Variants in CHCHD6 observed in about 807,000 individuals in gnomAD.
The protein encoded by CHCHD6 is MICOS complex subunit MIC25.
Under a neutral mutation model 32.3 loss-of-function variants are expected in CHCHD6, and 28 were observed. That is an observed-to-expected ratio of 0.87 (90% CI 0.64 to 1.19). CHCHD6 has a LOEUF of 1.19. CHCHD6 is among the 50% of genes most tolerant of loss of function. CHCHD6 has a pLI of 0.00. For missense variants in CHCHD6, 333 were observed against 307.0 expected (o/e 1.08, Z -0.63); for synonymous variants, 122 against 117.5 (o/e 1.04, Z -0.25).
intron 5 of CHCHD6, among the ~76,000 whole-genome samples, chr3:126,875,615 G>A (rs1289697158): frequency 1.3e-5 from 2 of 152,188 alleles, no homozygotes; most frequent in Non-Finnish European, 2.9e-5. Context: ...GAGGGTTCTT[G>A]ATGGCATCAT....
At chr3:126,848,100 C>T (rs1941354262) in intron 4 of CHCHD6, among the ~76,000 whole-genome samples, 1 of 152,198 alleles carries the variant, frequency 6.6e-6, no homozygotes, top group Non-Finnish European at 1.5e-5. Flanking sequence ...CTGCCTCAGC[C>T]TCTCAAGTAG....
intron 1 of CHCHD6, among the ~76,000 whole-genome samples, chr3:126,707,520 C>T (rs1576319789): frequency 6.6e-6 from 1 of 152,328 alleles, no homozygotes; most frequent in East Asian, 1.9e-4. Context: ...GCATATGTGT[C>T]TGCCTTCCCT....
intron 5 of CHCHD6, among the ~76,000 whole-genome samples, chr3:126,887,277 G>A (rs1464326963): frequency 6.6e-6 from 1 of 152,012 alleles, no homozygotes; most frequent in African/African-American, 2.4e-5. Context: ...TCTATAGAGT[G>A]GGGCTATTGA....
chr3:126,762,232 A>G (rs1428135980), intron 4 of CHCHD6, among the ~76,000 whole-genome samples: 5 of 152,006 alleles, frequency 3.3e-5, no homozygotes, highest in Non-Finnish European at 5.9e-5. Context: ...TAAGTTATAA[A>G]CTTAGGTTAT....
At chr3:126,914,916 A>G (rs2078147804) in intron 6 of CHCHD6, among the ~76,000 whole-genome samples, 166 bp downstream of exon 6, 1 of 152,226 alleles carries the variant, frequency 6.6e-6, no homozygotes, top group African/African-American at 2.4e-5. Context: ...GCCATTGGTC[A>G]TCTGTAATTG....
chr3:126,805,712 A>G (rs1302513685), intron 4 of CHCHD6, among the ~76,000 whole-genome samples: 1 of 152,236 alleles, frequency 6.6e-6, no homozygotes, highest in Non-Finnish European at 1.5e-5. Flanking sequence ...TTTAAAGTTC[A>G]TATGGAACCA....
chr3:126,734,411 G>A (rs375788096), intron 4 of CHCHD6, among the ~76,000 whole-genome samples: 88 of 152,270 alleles, frequency 5.8e-4, no homozygotes, highest in African/African-American at 2.1e-3. Flanking sequence ...GTGTAGAAGG[G>A]GGTTGAACAC....
chr3:126,748,607 A>AT (rs1366255587), intron 4 of CHCHD6, among the ~76,000 whole-genome samples: 1 of 152,032 alleles, frequency 6.6e-6, no homozygotes, highest in East Asian at 1.9e-4. Context: ...AAAAAAAAAA[A>AT]AAAAAGAAAG....
chr3:126,928,465 A>G (rs1250925896), intron 6 of CHCHD6, among the ~76,000 whole-genome samples: 1 of 152,058 alleles, frequency 6.6e-6, no homozygotes, highest in African/African-American at 2.4e-5. Context: ...GTTCACCATC[A>G]AAGGAATTGT....
At chr3:126,728,715 A>G (rs758063655) in intron 2 of CHCHD6, among the ~76,000 whole-genome samples, 2 of 152,198 alleles carry the variant, frequency 1.3e-5, no homozygotes, top group African/African-American at 2.4e-5. Context: ...ATAATATATA[A>G]TACTACACAT....
Position 126,855,894 on chromosome 3 carries a change from A to G in CHCHD6, c.495+3164A>G, listed in dbSNP as rs1039279322. On this transcript the variant is annotated intron_variant, in intron 5 of 7. Transcript: ENST00000290913. ...GGACAGTCCAGTGGCAGTGGGATGG[A>G]CAGGAGAACCGCAAGGTCCCATGGC... 8.5e-5 allele frequency among the ~76,000 whole-genome samples: 13 copies of G among 152,204 alleles called. No individual in the cohort carries two copies. In the South Asian group the frequency reaches 1.7e-3, roughly 19 times the overall value.
intron 6 of CHCHD6, among the ~76,000 whole-genome samples, chr3:126,934,470 G>A (rs2078448695): frequency 6.7e-6 from 1 of 148,586 alleles, no homozygotes; most frequent in Admixed American, 6.8e-5. Context: ...CTGTCATGAA[G>A]CATGTTGTCA....
intron 1 of CHCHD6, among the ~76,000 whole-genome samples, chr3:126,716,659 T>C (rs1935032260): frequency 6.6e-6 from 1 of 152,154 alleles, no homozygotes; most frequent in African/African-American, 2.4e-5. Context: ...GCCCTGAAGA[T>C]ACAGCAGGAG....
At chr3:126,718,643 C>G (rs144176545) in intron 1 of CHCHD6, among the ~76,000 whole-genome samples, 1 of 152,180 alleles carries the variant, frequency 6.6e-6, no homozygotes, top group Non-Finnish European at 1.5e-5. Context: ...GGCAGCACCA[C>G]GCAGCTGGAG....
At chr3:126,949,597 G>A (rs111372029) in intron 6 of CHCHD6, 36 of 171,726 alleles carry the variant, frequency 2.1e-4, no homozygotes, top group Non-Finnish European at 3.8e-4. Flanking sequence ...GACTGCCGCC[G>A]TGGACGGAAG....
chr3:126,946,783 A>G (rs1425535206), intron 6 of CHCHD6, among the ~76,000 whole-genome samples: 3 of 152,198 alleles, frequency 2.0e-5, no homozygotes, highest in African/African-American at 4.8e-5. Flanking sequence ...ACCAAGATGA[A>G]TGTCTAATTC....
At chr3:126,808,490 A>G (rs555492690) in intron 4 of CHCHD6, among the ~76,000 whole-genome samples, 2 of 152,186 alleles carry the variant, frequency 1.3e-5, no homozygotes, top group Non-Finnish European at 2.9e-5. Context: ...GTTTGTAGAA[A>G]AATTGAATTA....
chr3:126,773,487 T>C (rs1937580251), intron 4 of CHCHD6, among the ~76,000 whole-genome samples: 1 of 152,186 alleles, frequency 6.6e-6, no homozygotes, highest in Non-Finnish European at 1.5e-5. Context: ...CACCAGAAAG[T>C]TTTCCTACTG....
At chr3:126,910,082 G>A (rs1217457929) in intron 5 of CHCHD6, among the ~76,000 whole-genome samples, 1 of 152,126 alleles carries the variant, frequency 6.6e-6, no homozygotes, top group East Asian at 1.9e-4. Flanking sequence ...TTTGAAACCA[G>A]CCTGGCCAAC....
Sources: allele counts gnomAD v4.1 joint callset (sites outside exome capture counted in the v4.1 genomes callset), GRCh38; gene constraint gnomAD v4.1.1; transcripts MANE v1.5; gene names NCBI Gene and HGNC (gene_info 2026-07-23, HGNC 2026-07-21).